Variants in ATF1 observed in about 807,000 individuals in gnomAD.
ATF1 encodes activating transcription factor 1.
Under a neutral mutation model 34.7 loss-of-function variants are expected in ATF1, and 16 were observed. The observed-to-expected ratio is 0.46, with a 90% CI of 0.31 to 0.70. The LOEUF is 0.70. ATF1 is among the 30% of genes least tolerant of loss of function. The pLI, the probability that ATF1 is intolerant of heterozygous loss-of-function variation, is 0.05. For missense variants in ATF1, 255 were observed against 321.6 expected, an observed-to-expected ratio of 0.79 and a Z score of 1.58; for synonymous variants, 105 against 113.1, an observed-to-expected ratio of 0.93 and a Z score of 0.46.
chr12:50,794,221 A>G (rs943605100), intron 2 of ATF1, among the ~76,000 whole-genome samples: 2 of 149,460 alleles, frequency 1.3e-5, no homozygotes, highest in Non-Finnish European at 3.0e-5. Context: ...AAGTGCTGGG[A>G]TTACAGGCGT....
chr12:50,801,380 A>C (rs1010401301), intron 3 of ATF1, among the ~76,000 whole-genome samples: 3 of 152,246 alleles, frequency 2.0e-5, no homozygotes, highest in African/African-American at 7.2e-5. Flanking sequence ...TTAAATTTTG[A>C]AAAGTCTTCA....
At chr12:50,781,532 C>A (rs535345697) in intron 2 of ATF1, among the ~76,000 whole-genome samples, 2 of 152,160 alleles carry the variant, frequency 1.3e-5, no homozygotes, top group East Asian at 3.9e-4. Flanking sequence ...GTCACTACAA[C>A]CTCCGCCTCC....
intron 3 of ATF1, among the ~76,000 whole-genome samples, chr12:50,803,371 G>A (rs1465559480): frequency 1.3e-5 from 2 of 151,710 alleles, no homozygotes; most frequent in Admixed American, 1.3e-4. Flanking sequence ...TAAGGGAATT[G>A]CAAATCAAAA....
At chr12:50,772,965 T>C (rs1188684824) in intron 1 of ATF1, among the ~76,000 whole-genome samples, 1 of 152,164 alleles carries the variant, frequency 6.6e-6, no homozygotes. Context: ...TCTCCCACCA[T>C]GTGTCCCCGT....
At chr12:50,813,763 G>A (rs1033686188) in intron 4 of ATF1, among the ~76,000 whole-genome samples, 5 of 152,030 alleles carry the variant, frequency 3.3e-5, no homozygotes, top group African/African-American at 9.6e-5. Context: ...GCAGCCAGCC[G>A]AGATCGTGCC....
chr12:50,781,980 C>T (rs899902588), intron 2 of ATF1, among the ~76,000 whole-genome samples: 1 of 150,142 alleles, frequency 6.7e-6, no homozygotes, highest in African/African-American at 2.5e-5. Flanking sequence ...ATGAGACTAA[C>T]GGATTTTAAT....
At chr12:50,810,025 G>A (rs962278900) in intron 4 of ATF1, among the ~76,000 whole-genome samples, 6 of 151,570 alleles carry the variant, frequency 4.0e-5, no homozygotes, top group Admixed American at 4.0e-4. Flanking sequence ...GTAGAGAGGA[G>A]GTTTCACCAT....
chr12:50,782,032 C>T (rs1206416693), intron 2 of ATF1, among the ~76,000 whole-genome samples: 2 of 151,874 alleles, frequency 1.3e-5, no homozygotes, highest in East Asian at 3.9e-4. Flanking sequence ...GGCAAATAAC[C>T]TTTAAGAAAC....
rs779441539 is a variant in ATF1, at chr12:50,819,756, C to A, written c.793C>A (p.Leu265Ile). Residue 265 changes from leucine to isoleucine, a missense_variant, in exon 7 of 7, where the codon CTT (leucine) becomes ATT (isoleucine). Leu to Ile is a conservative substitution (Grantham distance 5). Transcript: ENST00000262053. ...LIEELKTLKDLYSNKSV is the reference protein window; with the variant it reads ...LIEELKTLKDIYSNKSV ...AGAAGAGTTAAAAACTTTGAAGGAT[C>A]TTTATTCCAATAAAAGTGTTTGATT... 6.4e-7 allele frequency: 1 copy of A among 1,564,860 alleles called. No homozygotes were observed. Among genetic ancestry groups the A allele is most frequent in the East Asian group, 2.2e-5 (1 of 44,500 alleles).
intron 1 of ATF1, among the ~76,000 whole-genome samples, chr12:50,779,605 A>G (rs1215094576): frequency 6.7e-6 from 1 of 149,706 alleles, no homozygotes; most frequent in African/African-American, 2.5e-5. Context: ...AATTCTGTCT[A>G]AATCTTTTAC....
chr12:50,795,838 TA>T, intron 2 of ATF1, 70 bp from the exon 3 acceptor site: 1 of 1,234,976 alleles, frequency 8.1e-7, no homozygotes, highest in Non-Finnish European at 1.2e-6. Flanking sequence ...CATTTTTTTC[TA>T]AAAGTAAAAA....
At position 50,795,890 on chromosome 12, in the gene ATF1, A is replaced by G; in HGVS notation, c.94-19A>G. 5.1e-6 allele frequency: 8 copies of G among 1,582,850 alleles called. No homozygotes were observed. Among genetic ancestry groups the G allele is most frequent in the Non-Finnish European group, 6.9e-6 (8 of 1,153,598 alleles). ...TCCCACCTGCATTGTTCATCATGTT[A>G]ATGCCAGTTCTTTTTTAGGTATCAT... On this transcript the variant is annotated intron_variant, in intron 2 of 6. Coordinates refer to ENST00000262053, the MANE Select transcript of ATF1 (RefSeq NM_005171.5).
intron 6 of ATF1, among the ~76,000 whole-genome samples, chr12:50,817,881 CTT>C (rs1412690774): frequency 2.6e-5 from 4 of 152,130 alleles, no homozygotes; most frequent in Admixed American, 6.5e-5. Context: ...GTGAGGTTCG[CTT>C]TTTGTCAGCC....
chr12:50,788,623 G>A (rs1379490615), intron 2 of ATF1, among the ~76,000 whole-genome samples: 1 of 151,958 alleles, frequency 6.6e-6, no homozygotes, highest in Non-Finnish European at 1.5e-5. Context: ...GCTAGAGCTG[G>A]TTCCTATTAT....
chr12:50,811,932 G>T (rs988884202), intron 4 of ATF1, among the ~76,000 whole-genome samples: 3 of 152,278 alleles, frequency 2.0e-5, no homozygotes, highest in Admixed American at 6.5e-5. Context: ...GGCAACATAG[G>T]CCAATAGAAC....
At chr12:50,806,010 G>T (rs1023823413) in intron 3 of ATF1, among the ~76,000 whole-genome samples, 1 of 152,142 alleles carries the variant, frequency 6.6e-6, no homozygotes, top group African/African-American at 2.4e-5. Context: ...AATTAGCCGG[G>T]TGTGGTGGCG....
At chr12:50,784,023 T>A (rs1312937766) in intron 2 of ATF1, among the ~76,000 whole-genome samples, 1 of 151,602 alleles carries the variant, frequency 6.6e-6, no homozygotes, top group Non-Finnish European at 1.5e-5. Context: ...TTTAGCCAGG[T>A]GTGGTGGCGT....
chr12:50,798,355 C>G (rs997671702), intron 3 of ATF1, among the ~76,000 whole-genome samples: 2 of 151,336 alleles, frequency 1.3e-5, no homozygotes, highest in Non-Finnish European at 2.9e-5. Flanking sequence ...GTCATCCAGG[C>G]TGGAGTGCAG....
At chr12:50,812,816 C>A (rs1294994820) in intron 4 of ATF1, among the ~76,000 whole-genome samples, 1 of 151,442 alleles carries the variant, frequency 6.6e-6, no homozygotes, top group Non-Finnish European at 1.5e-5. Context: ...CAAGTGAGAC[C>A]CTGTCTCAAA....
Sources: gnomAD v4.1 joint callset for allele counts (sites outside exome capture counted in the v4.1 genomes callset) on GRCh38, gnomAD v4.1.1 for gene constraint, MANE v1.5 for transcripts, NCBI Gene and HGNC (gene_info 2026-07-23, HGNC 2026-07-21) for gene names.